ASTN2: variants seen among roughly 807,000 people sequenced by gnomAD.
The protein encoded by ASTN2 is astrotactin-2.
Under a neutral mutation model 139.8 loss-of-function variants are expected in ASTN2, and 54 were observed. The observed-to-expected ratio is 0.39, with a 90% CI of 0.31 to 0.48. The LOEUF (loss-of-function observed/expected upper bound fraction) is 0.48, where lower values mean the gene tolerates loss of function less well. Among genes scored for constraint, ASTN2 ranks in the 20% least tolerant of loss-of-function variants. ASTN2 has a pLI of 0.95. For synonymous variants in ASTN2, 756 were observed against 719.5 expected, an observed-to-expected ratio of 1.05 and a Z score of -0.81; for missense variants, 1,565 against 1,725.1, an observed-to-expected ratio of 0.91 and a Z score of 1.64.
At chr9:116,564,158 C>T (rs1356248033) in intron 19 of ASTN2, among the ~76,000 whole-genome samples, 1 of 152,216 alleles carries the variant, frequency 6.6e-6, no homozygotes, top group Non-Finnish European at 1.5e-5. Context: ...CGAACCTAAA[C>T]CTGATTCAAA....
chr9:116,872,477 C>T (rs1220900909), intron 10 of ASTN2, among the ~76,000 whole-genome samples: 1 of 152,122 alleles, frequency 6.6e-6, no homozygotes, highest in African/African-American at 2.4e-5. Context: ...GGTCCATTTA[C>T]TCAGTTAAAA....
chr9:116,635,031 T>C (rs1857006935), intron 17 of ASTN2, among the ~76,000 whole-genome samples: 1 of 152,224 alleles, frequency 6.6e-6, no homozygotes, highest in African/African-American at 2.4e-5. Flanking sequence ...GTACTAGCTA[T>C]TGCTAAATGC....
chr9:116,694,875 G>A lies in ASTN2; in HGVS notation c.2806+30896C>T, dbSNP rs115660886. Among the ~76,000 whole-genome samples the A allele has an allele frequency of 8.2e-3, 1,250 of 152,024 alleles. 20 individuals carry two copies. Among genetic ancestry groups the A allele is most frequent in the African/African-American group, 0.029 (1,188 of 41,456 alleles). On this transcript the variant is annotated intron_variant, in intron 16 of 22. Coordinates refer to ENST00000313400, the MANE Select transcript of ASTN2 (RefSeq NM_001365068.1). Reference sequence around the variant, plus strand: ...CAGATATCCACATCAGACCTCATACGCTCATGATATATGGTAAATATTATT... The same window carrying A: ...CAGATATCCACATCAGACCTCATACACTCATGATATATGGTAAATATTATT...
At chr9:116,727,766 G>A (rs1828671051) in intron 15 of ASTN2, among the ~76,000 whole-genome samples, 1 of 152,098 alleles carries the variant, frequency 6.6e-6, no homozygotes, top group Admixed American at 6.6e-5. Flanking sequence ...CTAGCTGTGT[G>A]ACCTTGGGCA....
chr9:117,059,387 G>C (rs1287252565), intron 5 of ASTN2, among the ~76,000 whole-genome samples: 1 of 152,128 alleles, frequency 6.6e-6, no homozygotes, highest in Non-Finnish European at 1.5e-5. Flanking sequence ...GCCAAGGTGG[G>C]CGAATCACGA....
At chr9:116,504,695 T>C (rs987559469) in intron 19 of ASTN2, among the ~76,000 whole-genome samples, 2 of 151,932 alleles carry the variant, frequency 1.3e-5, no homozygotes, top group Non-Finnish European at 2.9e-5. Flanking sequence ...TTAATAACAA[T>C]ATGCCAGCCT....
chr9:117,129,699 T>A (rs1408872535), intron 4 of ASTN2, among the ~76,000 whole-genome samples: 1 of 152,108 alleles, frequency 6.6e-6, no homozygotes, highest in African/African-American at 2.4e-5. Context: ...CCTGTACTTC[T>A]CTCAGTTTTT....
chr9:116,939,500 C>A (rs1835168699), intron 10 of ASTN2, among the ~76,000 whole-genome samples: 1 of 152,126 alleles, frequency 6.6e-6, no homozygotes. Flanking sequence ...ACTCCCCATC[C>A]TTCGTGTCTA....
chr9:116,586,404 A>G (rs1854143832), intron 19 of ASTN2: 1 of 152,228 alleles, frequency 6.6e-6, no homozygotes, highest in Non-Finnish European at 1.5e-5. Context: ...GTGCCCATCA[A>G]CAGTGGACTG....
chr9:116,602,429 A>T (rs1360882508), intron 19 of ASTN2, among the ~76,000 whole-genome samples: 3 of 152,220 alleles, frequency 2.0e-5, no homozygotes, highest in Non-Finnish European at 2.9e-5. Flanking sequence ...GAGAGAGATT[A>T]TATGTAGATT....
At chr9:116,872,765 C>A (rs573003072) in intron 10 of ASTN2, among the ~76,000 whole-genome samples, 2 of 152,088 alleles carry the variant, frequency 1.3e-5, no homozygotes, top group East Asian at 3.9e-4. Flanking sequence ...TAAAGAAATT[C>A]TAGGGAGAAG....
At chr9:116,495,420 C>A (rs1379836706) in intron 19 of ASTN2, among the ~76,000 whole-genome samples, 1 of 152,152 alleles carries the variant, frequency 6.6e-6, no homozygotes, top group Non-Finnish European at 1.5e-5. Context: ...GTCAAAAAGA[C>A]AAGTGACCTA....
chr9:116,826,562 C>T (rs1156325168), intron 11 of ASTN2, among the ~76,000 whole-genome samples: 2 of 152,142 alleles, frequency 1.3e-5, no homozygotes, highest in African/African-American at 2.4e-5. Context: ...CCCAGCAAGA[C>T]CAACACGGGT....
intron 19 of ASTN2, among the ~76,000 whole-genome samples, chr9:116,553,447 G>A (rs558850049): frequency 6.6e-6 from 1 of 152,242 alleles, no homozygotes; most frequent in African/African-American, 2.4e-5. Context: ...TTATGTCACT[G>A]TTATCCTCGG....
In ASTN2 at chr9:117,047,291, G is replaced by A. The variant is rs183900054; in HGVS notation, c.1277-7326C>T. Among the ~76,000 whole-genome samples the A allele has an allele frequency of 1.2e-4, 19 of 152,296 alleles. No individual in the cohort carries two copies. The East Asian group carries it at 3.5e-3, about 28-fold the overall frequency. ...AGGGGTTTCCATGCACTGCTTTAGT[G>A]TGATGTCTCAATATGGGACATATTT... On this transcript the variant is annotated intron_variant, in intron 5 of 22. Transcript: ENST00000313400.
At chr9:117,151,761 C>A (rs185799561) in intron 3 of ASTN2, among the ~76,000 whole-genome samples, 57 of 152,238 alleles carry the variant, frequency 3.7e-4, no homozygotes, top group African/African-American at 1.3e-3. Flanking sequence ...TCCCCTGGAG[C>A]TTAAAGTGAG....
chr9:116,548,512 G>T (rs887896298), intron 19 of ASTN2, among the ~76,000 whole-genome samples: 6 of 152,262 alleles, frequency 3.9e-5, no homozygotes, highest in African/African-American at 1.4e-4. Context: ...CACTCTTGTT[G>T]CCCAGGCTGG....
intron 19 of ASTN2, among the ~76,000 whole-genome samples, chr9:116,535,087 G>A (rs925335703): frequency 2.0e-5 from 3 of 152,184 alleles, no homozygotes; most frequent in African/African-American, 7.2e-5. Context: ...AGCTCTTCTT[G>A]TTGAATTGGT....
chr9:117,329,252 T>G (rs930142304), intron 1 of ASTN2, among the ~76,000 whole-genome samples: 1 of 150,996 alleles, frequency 6.6e-6, no homozygotes, highest in Non-Finnish European at 1.5e-5. Context: ...TTTAAAATAA[T>G]TGAAACAAGA....
Sources: gnomAD v4.1 joint callset for allele counts (sites outside exome capture counted in the v4.1 genomes callset) on GRCh38, gnomAD v4.1.1 for gene constraint, MANE v1.5 for transcripts, NCBI Gene and HGNC (gene_info 2026-07-23, HGNC 2026-07-21) for gene names.